SYT14: variants seen among roughly 807,000 people sequenced by gnomAD.
SYT14 encodes synaptotagmin-14.
SYT14 carries 32 observed loss-of-function variants against 74.2 expected under a neutral mutation model. The observed-to-expected ratio is 0.43, with a 90% CI of 0.33 to 0.58. The LOEUF (loss-of-function observed/expected upper bound fraction) is 0.58, where lower values mean the gene tolerates loss of function less well. SYT14 is among the 20% of genes least tolerant of loss of function. SYT14 has a pLI of 0.05. For missense variants in SYT14, 791 were observed against 981.8 expected (o/e 0.81, Z 2.60); for synonymous variants, 298 against 337.7 (o/e 0.88, Z 1.29).
rs190144638 is a variant in SYT14, at chr1:210,088,338, A to C, written c.1313-5984A>C. 2.9e-3 allele frequency among the ~76,000 whole-genome samples: 442 copies of C among 151,936 alleles called. 3 individuals carry two copies. The highest frequency in any genetic ancestry group is 9.9e-3 in the African/African-American group (409 of 41,440). ...TACATTAGGTATTTCTCCTAATGCT[A>C]TCCCTCCCCTAGCCTCCCACTTGCT... On this transcript the variant is annotated intron_variant, in intron 5 of 9. Transcript: ENST00000637265.
intron 2 of SYT14, among the ~76,000 whole-genome samples, chr1:210,003,423 G>A (rs2079936434): frequency 6.6e-6 from 1 of 152,174 alleles, no homozygotes; most frequent in African/African-American, 2.4e-5. Flanking sequence ...CCAGGAAGAT[G>A]TGTGTGTCCT....
intron 7 of SYT14, among the ~76,000 whole-genome samples, chr1:210,145,764 A>G (rs528544759): frequency 2.0e-5 from 3 of 152,222 alleles, no homozygotes; most frequent in East Asian, 1.9e-4. Flanking sequence ...CTTAGCTCAT[A>G]CTTTCTTTGT....
intron 2 of SYT14, among the ~76,000 whole-genome samples, chr1:209,973,611 T>C (rs1477223171): frequency 6.6e-6 from 1 of 152,238 alleles, no homozygotes; most frequent in Non-Finnish European, 1.5e-5. Context: ...CAGTCTATCA[T>C]TGGTGGACGT....
chr1:210,051,362 T>C (rs2080992418), intron 5 of SYT14, among the ~76,000 whole-genome samples: 1 of 152,232 alleles, frequency 6.6e-6, no homozygotes, highest in Admixed American at 6.5e-5. Flanking sequence ...GTTATCTGTT[T>C]GCTATGAATA....
At chr1:210,103,499 G>T (rs1222590658) in intron 7 of SYT14, among the ~76,000 whole-genome samples, 1 of 137,250 alleles carries the variant, frequency 7.3e-6, no homozygotes, top group Non-Finnish European at 1.5e-5. Flanking sequence ...GCAGTGAGCT[G>T]AGATCACGCC....
At chr1:210,095,838 A>C (rs939871280) in intron 6 of SYT14, among the ~76,000 whole-genome samples, 2 of 152,108 alleles carry the variant, frequency 1.3e-5, no homozygotes, top group Non-Finnish European at 2.9e-5. Flanking sequence ...GTATGCTGAT[A>C]TTTTAAGTTT....
chr1:210,115,755 C>T (rs1294248463), intron 7 of SYT14, among the ~76,000 whole-genome samples: 1 of 151,116 alleles, frequency 6.6e-6, no homozygotes, highest in Admixed American at 6.6e-5. Flanking sequence ...GACCCGAGGT[C>T]GTAGGTGGAT....
chr1:210,035,397 T>C (rs2103006543), intron 5 of SYT14, among the ~76,000 whole-genome samples: 1 of 152,112 alleles, frequency 6.6e-6, no homozygotes, highest in East Asian at 1.9e-4. Context: ...GTTTTTTTGC[T>C]GTGCAGTTGC....
At chr1:210,005,508 A>C (rs2079973557) in intron 2 of SYT14, among the ~76,000 whole-genome samples, 1 of 151,940 alleles carries the variant, frequency 6.6e-6, no homozygotes. Context: ...AGTAAAGGAG[A>C]GGAAGCAGTG....
chr1:210,128,901 A>C (rs2102632739), intron 7 of SYT14, among the ~76,000 whole-genome samples: 1 of 152,358 alleles, frequency 6.6e-6, no homozygotes, highest in African/African-American at 2.4e-5. Context: ...TTTTGGAATA[A>C]GTTCTGAGGA....
intron 5 of SYT14, among the ~76,000 whole-genome samples, chr1:210,087,092 G>A (rs993178911): frequency 6.6e-6 from 1 of 152,080 alleles, no homozygotes; most frequent in Non-Finnish European, 1.5e-5. Flanking sequence ...AGGTCAGCTT[G>A]CCCCACATTG....
intron 2 of SYT14, among the ~76,000 whole-genome samples, chr1:209,994,926 A>G (rs1206928654): frequency 6.6e-6 from 1 of 152,238 alleles, no homozygotes; most frequent in Non-Finnish European, 1.5e-5. Context: ...AATCTTCATC[A>G]GATTTTAAGC....
At chr1:209,962,737 A>AAAG (rs1360606599) in intron 2 of SYT14, among the ~76,000 whole-genome samples, 2 of 152,138 alleles carry the variant, frequency 1.3e-5, no homozygotes, top group Non-Finnish European at 2.9e-5. Flanking sequence ...AGATAAAGGG[A>AAAG]AAGATTATAT....
At chr1:210,024,279 A>G (rs1054741161) in intron 5 of SYT14, among the ~76,000 whole-genome samples, 5 of 152,214 alleles carry the variant, frequency 3.3e-5, no homozygotes, top group African/African-American at 9.6e-5. Flanking sequence ...ATCAGAAAAG[A>G]TATCAGTTAA....
At chr1:210,169,221 GTTTTTTTTTTTTTTTTT>G (rs35974726) in exon 10 of SYT14, 2 of 50,240 alleles carry the variant, frequency 4.0e-5, no homozygotes, top group East Asian at 4.9e-4. Context: ...TGTTTTTGGT[GTTTTTTTTTTTTTTTTT>G]TTTTTTTTTT....
intron 5 of SYT14, among the ~76,000 whole-genome samples, chr1:210,055,433 A>C (rs573409258): frequency 6.6e-6 from 1 of 152,218 alleles, no homozygotes. Flanking sequence ...ACTTCAAACT[A>C]TCTAAAAAAT....
intron 7 of SYT14, among the ~76,000 whole-genome samples, chr1:210,141,047 A>C (rs1296275707): frequency 2.9e-5 from 2 of 69,188 alleles, no homozygotes; most frequent in African/African-American, 1.4e-4. Flanking sequence ...TTGTTTCTGC[A>C]AAAAAAAAAA....
chr1:210,083,234 C>T (rs1325158277), intron 5 of SYT14, among the ~76,000 whole-genome samples: 1 of 152,144 alleles, frequency 6.6e-6, no homozygotes, highest in Non-Finnish European at 1.5e-5. Flanking sequence ...TCAAGTGATC[C>T]ACCCACCTCG....
At chr1:210,100,123 A>G in exon 7 of SYT14, 1 of 1,614,104 alleles carries the variant, frequency 6.2e-7, no homozygotes, top group Non-Finnish European at 8.5e-7. Context: ...ACAAGAACAG[A>G]AGCTTCTGGT....
Sources: gnomAD v4.1 joint callset for allele counts (sites outside exome capture counted in the v4.1 genomes callset) on GRCh38, gnomAD v4.1.1 for gene constraint, MANE v1.5 for transcripts, NCBI Gene and HGNC (gene_info 2026-07-23, HGNC 2026-07-21) for gene names.